UBE2Q2: variants seen among roughly 807,000 people sequenced by gnomAD.
The protein encoded by UBE2Q2 is ubiquitin-conjugating enzyme E2 Q2.
UBE2Q2 carries 54 observed loss-of-function variants against 59.9 expected under a neutral mutation model. The observed-to-expected ratio is 0.90, with a 90% CI of 0.72 to 1.13. The LOEUF is 1.13. Among genes scored for constraint, UBE2Q2 ranks in the 50% most tolerant of loss-of-function variants. The probability of loss-of-function intolerance (pLI) is 0.00; values close to 1 mark genes in which losing one functional copy is unlikely to be tolerated. For synonymous variants in UBE2Q2, 165 were observed against 155.2 expected (o/e 1.06, Z -0.47); for missense variants, 433 against 441.9 (o/e 0.98, Z 0.18).
intron 2 of UBE2Q2, 131 bp from the exon 3 acceptor site, chr15:75,859,747 T>A (rs1468884501): frequency 1.8e-6 from 1 of 570,570 alleles, no homozygotes; most frequent in East Asian, 3.3e-5. Context: ...ATTTTTTAAA[T>A]CTGTAAGCTG....
intron 3 of UBE2Q2, among the ~76,000 whole-genome samples, chr15:75,862,039 A>T (rs1897231999): frequency 6.6e-6 from 1 of 152,188 alleles, no homozygotes; most frequent in Non-Finnish European, 1.5e-5. Flanking sequence ...CCAAGAGGAT[A>T]GTCAGTTCCT....
chr15:75,880,151 TGCC>T (rs1303560699), intron 8 of UBE2Q2, among the ~76,000 whole-genome samples: 1 of 152,182 alleles, frequency 6.6e-6, no homozygotes, highest in Non-Finnish European at 1.5e-5. Flanking sequence ...CTTGCTCTGT[TGCC>T]CAGGCTGGAG....
chr15:75,890,605 T>A lies in UBE2Q2; in HGVS notation c.933+122T>A, dbSNP rs536447800. On this transcript the variant is annotated intron_variant, in intron 10 of 12. Coordinates refer to ENST00000267938, the MANE Select transcript of UBE2Q2 (RefSeq NM_173469.4). ...CTTAAATTTTAGTTTATTTTTAAAA[T>A]AGCGTCTACTTTCAAGAATGAAAAA... The A allele has an allele frequency of 1.0e-5, 9 of 893,428 alleles. No individual in the cohort carries two copies. In the East Asian group the frequency reaches 2.4e-4, roughly 24 times the overall value. 55.3% of individuals were successfully genotyped at this position (893,428 alleles called of 1,614,324 possible). A position where few individuals can be genotyped will look rare whatever the true frequency, so the allele number is the denominator to read the frequency against.
intron 1 of UBE2Q2, among the ~76,000 whole-genome samples, chr15:75,852,018 G>T (rs1241855077): frequency 6.6e-6 from 1 of 151,944 alleles, no homozygotes; most frequent in East Asian, 1.9e-4. Flanking sequence ...GACTACAGGC[G>T]TGCAACCACC....
intron 1 of UBE2Q2, among the ~76,000 whole-genome samples, chr15:75,845,586 G>T (rs923071955): frequency 6.6e-6 from 1 of 151,986 alleles, no homozygotes; most frequent in Non-Finnish European, 1.5e-5. Context: ...CAGGTAAGTT[G>T]GGAGAATGTA....
At chr15:75,857,072 G>A (rs1001314928) in intron 2 of UBE2Q2, among the ~76,000 whole-genome samples, 5 of 152,136 alleles carry the variant, frequency 3.3e-5, no homozygotes, top group African/African-American at 1.2e-4. Context: ...ATTAGCTTTG[G>A]CAACATAGCA....
At chr15:75,844,611 A>C (rs1896226853) in intron 1 of UBE2Q2, 15 of 1,116,368 alleles carry the variant, frequency 1.3e-5, no homozygotes, top group Non-Finnish European at 1.9e-5. Flanking sequence ...AGCCGAAAAG[A>C]CACTTTTAAA....
intron 11 of UBE2Q2, among the ~76,000 whole-genome samples, chr15:75,891,660 C>G (rs960852058): frequency 1.3e-5 from 2 of 152,048 alleles, no homozygotes; most frequent in African/African-American, 4.8e-5. Context: ...GTCTGGCTGC[C>G]CTAGGCCCAA....
chr15:75,887,229 A>G (rs1190440843), intron 9 of UBE2Q2, among the ~76,000 whole-genome samples: 1 of 152,224 alleles, frequency 6.6e-6, no homozygotes, highest in African/African-American at 2.4e-5. Flanking sequence ...TTGATTATCA[A>G]ATGCTAACCA....
intron 3 of UBE2Q2, among the ~76,000 whole-genome samples, chr15:75,865,516 A>T (rs1264235024): frequency 6.6e-6 from 1 of 152,068 alleles, no homozygotes; most frequent in Non-Finnish European, 1.5e-5. Context: ...CTGTGCCAGC[A>T]TTTCTCTGGG....
chr15:75,874,978 C>A (rs926549420), intron 5 of UBE2Q2, among the ~76,000 whole-genome samples: 1 of 152,126 alleles, frequency 6.6e-6, no homozygotes, highest in South Asian at 2.1e-4. Flanking sequence ...ATATATTAAT[C>A]TAATTTATAA....
chr15:75,848,091 T>C (rs1257893696), intron 1 of UBE2Q2, among the ~76,000 whole-genome samples: 1 of 152,184 alleles, frequency 6.6e-6, no homozygotes, highest in Non-Finnish European at 1.5e-5. Flanking sequence ...GTCACTTCTT[T>C]TACTGTGTTT....
intron 1 of UBE2Q2, among the ~76,000 whole-genome samples, chr15:75,846,714 T>A (rs1168564179): frequency 6.6e-6 from 1 of 152,236 alleles, no homozygotes; most frequent in African/African-American, 2.4e-5. Flanking sequence ...TTCTTTAACT[T>A]TTCCTCTTTA....
At chr15:75,858,627 T>G (rs1897047702) in intron 2 of UBE2Q2, among the ~76,000 whole-genome samples, 1 of 152,148 alleles carries the variant, frequency 6.6e-6, no homozygotes, top group Non-Finnish European at 1.5e-5. Flanking sequence ...GTGGAGAGTG[T>G]ACTACCCTGT....
intron 8 of UBE2Q2, 120 bp downstream of exon 8, chr15:75,879,308 G>A (rs914224248): frequency 1.3e-5 from 7 of 551,886 alleles, no homozygotes; most frequent in South Asian, 1.2e-4. Flanking sequence ...CAGGAATCTC[G>A]TAGACATATT....
chr15:75,868,796 C>T (rs1272475914), intron 3 of UBE2Q2, among the ~76,000 whole-genome samples, 155 bp from the exon 4 acceptor site: 1 of 152,084 alleles, frequency 6.6e-6, no homozygotes, highest in Non-Finnish European at 1.5e-5. Context: ...TTAGTCAAAG[C>T]TGGATTTAAA....
At chr15:75,896,962 A>G in intron 11 of UBE2Q2, 33 bp from the exon 12 acceptor site, 2 of 1,386,532 alleles carry the variant, frequency 1.4e-6, no homozygotes, top group Non-Finnish European at 1.0e-6. Flanking sequence ...ACCTAATTAC[A>G]CTTTTGATTT....
In UBE2Q2 at chr15:75,879,549, C is replaced by T. The variant is rs76806081; in HGVS notation, c.825+361C>T. On this transcript the variant is annotated intron_variant, in intron 8 of 12. Transcript: ENST00000267938. The stretch of plus-strand genomic sequence containing the variant: ...TATTTTGTACAATTCCCTTTATATA[C>T]AGTTCAAAAATAGGTAAAACTAATG... 8.2e-3 allele frequency among the ~76,000 whole-genome samples: 1,241 copies of T among 152,222 alleles called. 13 individuals are homozygous for T. Among genetic ancestry groups the T allele is most frequent in the African/African-American group, 0.028 (1,174 of 41,520 alleles).
intron 3 of UBE2Q2, among the ~76,000 whole-genome samples, chr15:75,863,797 C>G (rs1468447059): frequency 6.6e-6 from 1 of 152,136 alleles, no homozygotes. Context: ...TGTGCACCAC[C>G]ACGCTCGGCT....
Sources: allele counts gnomAD v4.1 joint callset (sites outside exome capture counted in the v4.1 genomes callset), GRCh38; gene constraint gnomAD v4.1.1; transcripts MANE v1.5; gene names NCBI Gene and HGNC (gene_info 2026-07-23, HGNC 2026-07-21).